Variants in EYS observed in about 807,000 individuals in gnomAD.
The protein encoded by EYS is protein eyes shut homolog.
Under a neutral mutation model 282.1 loss-of-function variants are expected in EYS, and 250 were observed. The ratio of observed to expected loss-of-function variants is 0.89; its 90% CI spans 0.80 to 0.98. The LOEUF (loss-of-function observed/expected upper bound fraction) is 0.98. EYS is among the 50% of genes least tolerant of loss of function. EYS has a pLI of 0.00. For missense variants in EYS, 4,016 were observed against 3,709.0 expected (o/e 1.08, Z -2.15); for synonymous variants, 1,355 against 1,282.9 (o/e 1.06, Z -1.20).
intron 31 of EYS, among the ~76,000 whole-genome samples, 164 bp from the exon 32 acceptor site, chr6:64,082,166 A>G (rs1013419296): frequency 3.3e-5 from 5 of 152,312 alleles, no homozygotes; most frequent in Admixed American, 6.5e-5. Flanking sequence ...TAATAAATTT[A>G]TATTTATTGC....
chr6:64,899,074 C>G (rs1767566106), intron 18 of EYS, among the ~76,000 whole-genome samples: 1 of 152,110 alleles, frequency 6.6e-6, no homozygotes, highest in Non-Finnish European at 1.5e-5. Flanking sequence ...CAAGGACATT[C>G]AGGACTTGAA....
At chr6:63,747,582 A>G (rs974960776) in intron 41 of EYS, among the ~76,000 whole-genome samples, 4 of 152,054 alleles carry the variant, frequency 2.6e-5, no homozygotes, top group African/African-American at 4.8e-5. Context: ...TGGGAGTCTG[A>G]GTCTCTTTGC....
At chr6:64,102,057 A>G (rs1002794694) in intron 31 of EYS, among the ~76,000 whole-genome samples, 2 of 152,000 alleles carry the variant, frequency 1.3e-5, no homozygotes, top group African/African-American at 4.8e-5. Flanking sequence ...TCGCTGGATC[A>G]CCCACCACTC....
intron 31 of EYS, among the ~76,000 whole-genome samples, chr6:64,198,291 G>A (rs1765358783): frequency 6.6e-6 from 1 of 151,952 alleles, no homozygotes. Context: ...ACAGGTGTGA[G>A]CCACTGCACC....
At chr6:63,840,886 C>T (rs1438058544) in intron 36 of EYS, among the ~76,000 whole-genome samples, 20 of 152,084 alleles carry the variant, frequency 1.3e-4, no homozygotes, top group Non-Finnish European at 2.6e-4. Context: ...TATTCTGTTC[C>T]ATTAGTCAAT....
chr6:64,270,568 C>T (rs915790142), intron 30 of EYS, among the ~76,000 whole-genome samples: 26 of 152,040 alleles, frequency 1.7e-4, no homozygotes, highest in South Asian at 4.2e-4. Flanking sequence ...GATTTATATG[C>T]GCTGATATAT....
intron 19 of EYS, among the ~76,000 whole-genome samples, chr6:64,836,454 G>T (rs891524197): frequency 6.6e-5 from 10 of 151,264 alleles, no homozygotes; most frequent in East Asian, 5.8e-4. Context: ...ATTTTTGGGG[G>T]TTATCTCTGT....
At chr6:63,733,300 T>G (rs185629586) in intron 41 of EYS, among the ~76,000 whole-genome samples, 1 of 152,284 alleles carries the variant, frequency 6.6e-6, no homozygotes, top group East Asian at 1.9e-4. Flanking sequence ...TCAACTTGTA[T>G]TTTAGGTCCA....
At chr6:64,349,827 C>T (rs1333726592) in intron 29 of EYS, among the ~76,000 whole-genome samples, 1 of 151,412 alleles carries the variant, frequency 6.6e-6, no homozygotes. Context: ...AAAGGTAGAT[C>T]TTGTCTTTGC....
At chr6:65,107,550 TA>T (rs1424625411) in intron 12 of EYS, among the ~76,000 whole-genome samples, 1 of 151,804 alleles carries the variant, frequency 6.6e-6, no homozygotes, top group African/African-American at 2.4e-5. Context: ...AGCTATACTC[TA>T]ACTTTATAGT....
chr6:63,727,470 T>C (rs1768655338), intron 41 of EYS, among the ~76,000 whole-genome samples: 1 of 151,386 alleles, frequency 6.6e-6, no homozygotes, highest in Non-Finnish European at 1.5e-5. Flanking sequence ...CTGTACTCAT[T>C]CATTTCGACT....
At chr6:65,122,649 T>G (rs548358694) in intron 12 of EYS, among the ~76,000 whole-genome samples, 16 of 152,242 alleles carry the variant, frequency 1.1e-4, no homozygotes, top group African/African-American at 3.8e-4. Flanking sequence ...ATGCCATAGT[T>G]TGAAATTATA....
rs1288478819 is a variant in EYS, at chr6:65,692,028, C to A, written c.-448+15107G>T. 3.3e-5 allele frequency among the ~76,000 whole-genome samples: 5 copies of A among 150,024 alleles called. 1 individual carries two copies. The highest frequency in any genetic ancestry group is 5.9e-5 in the Non-Finnish European group (4 of 67,644). On this transcript the variant is annotated intron_variant, in intron 1 of 42. Transcript: ENST00000503581. ...GGAGATATGAAATACACTTAAGAGT[C>A]CATCAGTGGATTATTGGATAAAGAA...
intron 34 of EYS, among the ~76,000 whole-genome samples, chr6:63,996,886 A>T (rs1044048862): frequency 6.6e-6 from 1 of 152,210 alleles, no homozygotes; most frequent in Non-Finnish European, 1.5e-5. Context: ...CAAAATTACC[A>T]GAAAAACCTC....
rs1767138576 is a variant in EYS, at chr6:65,516,447, C to A, written c.-332-20454G>T. The stretch of plus-strand genomic sequence containing the variant: ...GAAGGGAGAAATTATGACATGTAAA[C>A]AACTTTCAGAAGTCTTGTTTAGGAT... On this transcript the variant is annotated intron_variant, in intron 2 of 42. Coordinates refer to ENST00000503581, the MANE Select transcript of EYS (RefSeq NM_001142800.2). Among the ~76,000 whole-genome samples the A allele has an allele frequency of 2.6e-5, 4 of 152,048 alleles. No homozygotes were observed. In the South Asian group the frequency reaches 6.2e-4, roughly 24 times the overall value.
intron 12 of EYS, among the ~76,000 whole-genome samples, chr6:65,110,160 A>G (rs1775173662): frequency 6.6e-6 from 1 of 152,112 alleles, no homozygotes; most frequent in Admixed American, 6.6e-5. Context: ...ATTGTCCTAG[A>G]AAACCAGTTT....
chr6:65,513,757 C>T (rs1210390631), intron 2 of EYS, among the ~76,000 whole-genome samples: 1 of 151,800 alleles, frequency 6.6e-6, no homozygotes, highest in Non-Finnish European at 1.5e-5. Flanking sequence ...ATGCTAAAAA[C>T]TCTCAATAAA....
intron 36 of EYS, among the ~76,000 whole-genome samples, chr6:63,816,578 T>G (rs1368515504): frequency 6.6e-6 from 1 of 152,208 alleles, no homozygotes; most frequent in Non-Finnish European, 1.5e-5. Context: ...TGTGAACAGC[T>G]ATTTCAGGAT....
At chr6:64,324,837 T>A (rs1036862991) in intron 29 of EYS, among the ~76,000 whole-genome samples, 1 of 152,030 alleles carries the variant, frequency 6.6e-6, no homozygotes, top group African/African-American at 2.4e-5. Context: ...AGGCTGAGAG[T>A]CAAATCAAGA....
Sources: allele counts gnomAD v4.1 joint callset (sites outside exome capture counted in the v4.1 genomes callset), GRCh38; gene constraint gnomAD v4.1.1; transcripts MANE v1.5; gene names NCBI Gene and HGNC (gene_info 2026-07-23, HGNC 2026-07-21).